C10orf90: variants seen among roughly 807,000 people sequenced by gnomAD.
The protein encoded by C10orf90 is (E2-independent) E3 ubiquitin-conjugating enzyme FATS.
A neutral mutation model predicts 62.5 loss-of-function variants in C10orf90; 56 were observed. The ratio of observed to expected loss-of-function variants is 0.90; its 90% CI spans 0.72 to 1.12. C10orf90 has a LOEUF of 1.12. Among genes scored for constraint, C10orf90 ranks in the 50% most tolerant of loss-of-function variants. The probability of loss-of-function intolerance (pLI) is 0.00; values close to 1 mark genes in which losing one functional copy is unlikely to be tolerated. For synonymous variants in C10orf90, 386 were observed against 340.4 expected (o/e 1.13, Z -1.47); for missense variants, 970 against 880.4 (o/e 1.10, Z -1.29).
At chr10:126,654,022 A>G (rs1466352550) in intron 1 of C10orf90, among the ~76,000 whole-genome samples, 1 of 152,110 alleles carries the variant, frequency 6.6e-6, no homozygotes, top group Admixed American at 6.5e-5. Context: ...TAGTCAATAA[A>G]CCATGCTGTA....
intron 2 of C10orf90, among the ~76,000 whole-genome samples, chr10:126,576,667 A>ATATATGTATACATATACATATACATG (rs1844619109): frequency 6.7e-5 from 2 of 30,014 alleles, no homozygotes; most frequent in Admixed American, 3.1e-4. Flanking sequence ...ATGTATACAT[A>ATATATGTATACATATACATATACATG]TATATGTATA....
intron 2 of C10orf90, among the ~76,000 whole-genome samples, chr10:126,588,874 T>C (rs1844926926): frequency 6.6e-6 from 1 of 152,140 alleles, no homozygotes; most frequent in Non-Finnish European, 1.5e-5. Flanking sequence ...CTGACAGAAG[T>C]AGGCTTCAGA....
chr10:126,445,826 T>TATATATATATATATATATAC (rs57867349), intron 7 of C10orf90, among the ~76,000 whole-genome samples: 1 of 144,768 alleles, frequency 6.9e-6, no homozygotes, highest in Non-Finnish European at 1.5e-5. Context: ...TATATATATA[T>TATATATATATATATATATAC]ACAATGGAAT....
chr10:126,516,834 A>G (rs920603939), intron 2 of C10orf90, among the ~76,000 whole-genome samples: 4 of 151,924 alleles, frequency 2.6e-5, no homozygotes, highest in Non-Finnish European at 5.9e-5. Flanking sequence ...TGAAAACACT[A>G]GGGAAGAATT....
intron 4 of C10orf90, among the ~76,000 whole-genome samples, chr10:126,498,757 AG>A (rs1862217852): frequency 6.6e-6 from 1 of 152,182 alleles, no homozygotes; most frequent in East Asian, 1.9e-4. Context: ...GGGGAATATA[AG>A]GGCCCAGGCC....
chr10:126,486,754 T>C (rs1198593985), intron 4 of C10orf90, among the ~76,000 whole-genome samples: 1 of 152,108 alleles, frequency 6.6e-6, no homozygotes, highest in African/African-American at 2.4e-5. Flanking sequence ...TGAAGTAGAA[T>C]ATTAATCTAA....
At chr10:126,492,587 C>T (rs1010490391) in intron 4 of C10orf90, among the ~76,000 whole-genome samples, 5 of 151,970 alleles carry the variant, frequency 3.3e-5, no homozygotes, top group African/African-American at 1.2e-4. Context: ...AATACAAGTG[C>T]AAAATATGAG....
intron 2 of C10orf90, among the ~76,000 whole-genome samples, chr10:126,531,031 G>A (rs1004712211): frequency 2.6e-5 from 4 of 151,772 alleles, no homozygotes; most frequent in South Asian, 2.1e-4. Context: ...AAAATTAGCC[G>A]GGTGTGGTGG....
At position 126,565,119 on chromosome 10, in the gene C10orf90, A is replaced by ATTACATATTATG. The variant is rs1564874025; in HGVS notation, c.314-51181_314-51180insCATAATATGTAA. On this transcript the variant is annotated intron_variant, in intron 2 of 9. Transcript: ENST00000488181. The stretch of plus-strand genomic sequence containing the variant: ...ATATAATATATAAAATATATATTAT[A>ATTACATATTATG]TAATATATAATATAAATATAATATT... Among the ~76,000 whole-genome samples the ATTACATATTATG allele has an allele frequency of 3.4e-3, 146 of 43,408 alleles. 7 individuals are homozygous for ATTACATATTATG. The highest frequency in any genetic ancestry group is 4.2e-3 in the Non-Finnish European group (110 of 26,122). 28.5% of individuals were successfully genotyped at this position (43,408 alleles called of 152,430 possible). A position where few individuals can be genotyped will look rare whatever the true frequency, so the allele number is the denominator to read the frequency against.
At chr10:126,546,111 C>A (rs1864484613) in intron 2 of C10orf90, among the ~76,000 whole-genome samples, 2 of 152,116 alleles carry the variant, frequency 1.3e-5, no homozygotes, top group Admixed American at 6.5e-5. Flanking sequence ...CAGAAAAAAC[C>A]CCAGGCAAAG....
intron 2 of C10orf90, among the ~76,000 whole-genome samples, chr10:126,521,877 G>C (rs1041510781): frequency 6.6e-6 from 1 of 152,164 alleles, no homozygotes; most frequent in Non-Finnish European, 1.5e-5. Context: ...GTAGCTTATA[G>C]TTAATAATGC....
At chr10:126,596,935 A>G (rs898757853) in intron 2 of C10orf90, among the ~76,000 whole-genome samples, 1 of 152,212 alleles carries the variant, frequency 6.6e-6, no homozygotes, top group African/African-American at 2.4e-5. Flanking sequence ...AATGACAAAT[A>G]GGCACACAAA....
At chr10:126,613,878 AG>A (rs1845489142) in intron 2 of C10orf90, among the ~76,000 whole-genome samples, 1 of 152,212 alleles carries the variant, frequency 6.6e-6, no homozygotes, top group South Asian at 2.1e-4. Context: ...ATCTGGAAGA[AG>A]TGGCTGGTTG....
At chr10:126,655,849 A>AG (rs1447918763) in intron 1 of C10orf90, among the ~76,000 whole-genome samples, 4 of 151,944 alleles carry the variant, frequency 2.6e-5, no homozygotes, top group African/African-American at 9.7e-5. Flanking sequence ...CAAAAAAAAA[A>AG]AAGAAGAAGA....
At chr10:126,549,114 G>GAC (rs1409331329) in intron 2 of C10orf90, among the ~76,000 whole-genome samples, 2 of 152,122 alleles carry the variant, frequency 1.3e-5, no homozygotes, top group Non-Finnish European at 2.9e-5. Context: ...AGAATTCTTA[G>GAC]ACATAACACA....
intron 2 of C10orf90, among the ~76,000 whole-genome samples, chr10:126,552,392 C>T (rs1591091088): frequency 6.6e-6 from 1 of 152,172 alleles, no homozygotes; most frequent in African/African-American, 2.4e-5. Flanking sequence ...TAAATCCAGT[C>T]GCAGAACAGA....
At chr10:126,513,966 CT>C in intron 2 of C10orf90, 27 bp from the exon 3 acceptor site, 1 of 1,482,206 alleles carries the variant, frequency 6.7e-7, no homozygotes, top group Non-Finnish European at 9.4e-7. Flanking sequence ...AATATTGCTA[CT>C]TTTTAGTATA....
chr10:126,482,246 G>A (rs569503703), intron 4 of C10orf90, among the ~76,000 whole-genome samples: 1 of 152,298 alleles, frequency 6.6e-6, no homozygotes, highest in African/African-American at 2.4e-5. Context: ...TGACTCTTAT[G>A]AGGGGGAGGG....
chr10:126,569,589 A>G (rs1236878934), intron 2 of C10orf90, among the ~76,000 whole-genome samples: 1 of 152,208 alleles, frequency 6.6e-6, no homozygotes, highest in African/African-American at 2.4e-5. Flanking sequence ...TTTTGTAAAG[A>G]GATGAGAAAA....
Sources: gnomAD v4.1 joint callset for allele counts (sites outside exome capture counted in the v4.1 genomes callset) on GRCh38, gnomAD v4.1.1 for gene constraint, MANE v1.5 for transcripts, NCBI Gene and HGNC (gene_info 2026-07-23, HGNC 2026-07-21) for gene names.